Variants in TMEM131 observed in about 807,000 individuals in gnomAD.
The protein encoded by TMEM131 is transmembrane protein 131.
TMEM131 carries 66 observed loss-of-function variants against 211.6 expected under a neutral mutation model. The ratio of observed to expected loss-of-function variants is 0.31; its 90% CI spans 0.26 to 0.38. The LOEUF is 0.38. TMEM131 is among the 10% of genes least tolerant of loss of function. TMEM131 has a pLI of 1.00. For synonymous variants in TMEM131, 844 were observed against 841.3 expected, an observed-to-expected ratio of 1.00 and a Z score of -0.06; for missense variants, 2,036 against 2,299.3, an observed-to-expected ratio of 0.89 and a Z score of 2.34.
chr2:97,894,768 G>A (rs1675532868), intron 3 of TMEM131, among the ~76,000 whole-genome samples: 1 of 152,128 alleles, frequency 6.6e-6, no homozygotes, highest in Non-Finnish European at 1.5e-5. Flanking sequence ...AGGATATTTT[G>A]AGCTGAGATG....
intron 1 of TMEM131, among the ~76,000 whole-genome samples, chr2:97,986,098 A>G (rs938817343): frequency 6.6e-6 from 1 of 152,200 alleles, no homozygotes; most frequent in African/African-American, 2.4e-5. Context: ...AAAACTGACA[A>G]AAGACTGATC....
chr2:97,880,343 T>C (rs1249791853), intron 4 of TMEM131, among the ~76,000 whole-genome samples: 1 of 152,018 alleles, frequency 6.6e-6, no homozygotes, highest in Non-Finnish European at 1.5e-5. Context: ...GGAGGGGAAG[T>C]GGGAAAAACG....
intron 25 of TMEM131, among the ~76,000 whole-genome samples, chr2:97,801,544 G>C (rs1252538153): frequency 6.6e-6 from 1 of 152,156 alleles, no homozygotes; most frequent in African/African-American, 2.4e-5. Context: ...GAATGAAAAT[G>C]TAAATGACTG....
chr2:97,858,922 T>G (rs1673954418), intron 5 of TMEM131, among the ~76,000 whole-genome samples: 1 of 152,246 alleles, frequency 6.6e-6, no homozygotes, highest in Non-Finnish European at 1.5e-5. Context: ...CAACCCAGTG[T>G]GCTTACAGTT....
chr2:97,803,197 C>T (rs983947123), intron 22 of TMEM131, among the ~76,000 whole-genome samples: 1 of 152,178 alleles, frequency 6.6e-6, no homozygotes, highest in African/African-American at 2.4e-5. Context: ...CCTAAAGGAT[C>T]TTATGTGCCT....
chr2:97,966,141 T>A (rs1679046039), intron 1 of TMEM131, among the ~76,000 whole-genome samples: 1 of 151,776 alleles, frequency 6.6e-6, no homozygotes, highest in Non-Finnish European at 1.5e-5. Context: ...ATATCTAGTA[T>A]GTTAGAATAA....
rs555881193 is a variant in TMEM131 at position 97,922,157 on chromosome 2, G to A, written c.249+5269C>T. On this transcript the variant is annotated intron_variant, in intron 2 of 40. Coordinates refer to ENST00000186436, the MANE Select transcript of TMEM131 (RefSeq NM_015348.2). Reference sequence around the variant, plus strand: ...CTAGTTAGATTCTCCTAAGGCACGCGCACAACCTAGATCTCTCATGTGCAG... The same window carrying A: ...CTAGTTAGATTCTCCTAAGGCACGCACACAACCTAGATCTCTCATGTGCAG... 3.7e-4 allele frequency among the ~76,000 whole-genome samples: 56 copies of A among 152,194 alleles called. 1 individual carries two copies. Among genetic ancestry groups the A allele is most frequent in the African/African-American group, 1.2e-3 (50 of 41,508 alleles).
rs565965795 is a variant in TMEM131 at position 97,974,576 on chromosome 2, C to CA, written c.187+20899dup. 3.1e-3 allele frequency among the ~76,000 whole-genome samples: 466 copies of CA among 148,346 alleles called. 4 individuals are homozygous for CA. The highest frequency in any genetic ancestry group is 0.011 in the African/African-American group (452 of 40,334). On this transcript the variant is annotated intron_variant, in intron 1 of 40. Coordinates refer to ENST00000186436, the MANE Select transcript of TMEM131 (RefSeq NM_015348.2). ...ATCAAATTATTTCAAACCAGATTTA[C>CA]AAAAAAAATCTTAAAAGTATCAAGA...
At chr2:97,862,362 T>C (rs550430359) in intron 4 of TMEM131, among the ~76,000 whole-genome samples, 2 of 152,256 alleles carry the variant, frequency 1.3e-5, no homozygotes, top group East Asian at 3.9e-4. Flanking sequence ...CAGGAAAACA[T>C]GACTTCCTTA....
intron 3 of TMEM131, among the ~76,000 whole-genome samples, chr2:97,894,753 G>C (rs1260906339): frequency 3.3e-5 from 5 of 152,152 alleles, no homozygotes; most frequent in African/African-American, 1.2e-4. Context: ...TTGCTTATCA[G>C]CTTAAGGATA....
intron 2 of TMEM131, among the ~76,000 whole-genome samples, chr2:97,912,131 G>A (rs370057178): frequency 2.6e-5 from 4 of 151,778 alleles, no homozygotes; most frequent in Non-Finnish European, 5.9e-5. Context: ...CACTGAATAA[G>A]GATAAAAACA....
chr2:97,778,129 T>C (rs1228144099), intron 31 of TMEM131, among the ~76,000 whole-genome samples: 1 of 152,220 alleles, frequency 6.6e-6, no homozygotes, highest in Non-Finnish European at 1.5e-5. Context: ...AAATAATCTA[T>C]ATTTACAATA....
intron 35 of TMEM131, chr2:97,764,919 G>T (rs561348373): frequency 1.3e-5 from 2 of 152,310 alleles, no homozygotes; most frequent in South Asian, 4.1e-4. Context: ...TCACCAACAC[G>T]GCTCATGTCA....
chr2:97,874,839 C>A (rs1362361989), intron 4 of TMEM131, among the ~76,000 whole-genome samples: 2 of 152,134 alleles, frequency 1.3e-5, no homozygotes, highest in Non-Finnish European at 2.9e-5. Flanking sequence ...CAGCTAGCAT[C>A]ATAATAACAG....
chr2:97,990,923 G>A (rs1485281312), intron 1 of TMEM131, among the ~76,000 whole-genome samples: 1 of 152,144 alleles, frequency 6.6e-6, no homozygotes, highest in East Asian at 1.9e-4. Context: ...TCCTAATAAA[G>A]GCTGTCAAAC....
rs185286017 is a variant in TMEM131, at chr2:97,922,878, A to C, written c.249+4548T>G. On this transcript the variant is annotated intron_variant, in intron 2 of 40. Coordinates refer to ENST00000186436, the MANE Select transcript of TMEM131 (RefSeq NM_015348.2). Reference sequence around the variant, plus strand: ...CCCCAAATTTAAGCATCTATATGTAAATTATATCTCACAATAAACACTTTA... The same window carrying C: ...CCCCAAATTTAAGCATCTATATGTACATTATATCTCACAATAAACACTTTA... Among the ~76,000 whole-genome samples the C allele has an allele frequency of 2.3e-3, 354 of 152,330 alleles. 9 individuals are homozygous for C. Among genetic ancestry groups the C allele is most frequent in the Admixed American group, 0.023 (350 of 15,302 alleles).
intron 4 of TMEM131, among the ~76,000 whole-genome samples, chr2:97,883,872 A>G (rs901247202): frequency 6.6e-6 from 1 of 152,184 alleles, no homozygotes; most frequent in Non-Finnish European, 1.5e-5. Flanking sequence ...TAACTCAACA[A>G]ATAAATACAG....
intron 2 of TMEM131, among the ~76,000 whole-genome samples, chr2:97,913,548 T>C (rs576890313): frequency 1.3e-5 from 2 of 152,312 alleles, no homozygotes; most frequent in Non-Finnish European, 2.9e-5. Context: ...TAACCTATCC[T>C]TGACAGAACT....
chr2:97,775,777 G>A (rs1679691220), intron 32 of TMEM131, 66 bp downstream of exon 32: 3 of 1,506,332 alleles, frequency 2.0e-6, no homozygotes, highest in South Asian at 2.6e-5. Context: ...TGAGATGGAA[G>A]GTCTTGTGAG....
Sources: allele counts gnomAD v4.1 joint callset (sites outside exome capture counted in the v4.1 genomes callset), GRCh38; gene constraint gnomAD v4.1.1; transcripts MANE v1.5; gene names NCBI Gene and HGNC (gene_info 2026-07-23, HGNC 2026-07-21).